The following UNC13A variants were observed in gnomAD, a reference collection of about 807,000 sequenced individuals.
UNC13A encodes the protein unc-13 homolog A.
A neutral mutation model predicts 219.7 loss-of-function variants in UNC13A; 61 were observed. That is an observed-to-expected ratio of 0.28 (90% CI 0.23 to 0.34). UNC13A has a LOEUF of 0.34. UNC13A is among the 10% of genes least tolerant of loss of function. The pLI is 1.00. For synonymous variants in UNC13A, 920 were observed against 884.6 expected, an observed-to-expected ratio of 1.04 and a Z score of -0.71; for missense variants, 1,476 against 2,270.3, an observed-to-expected ratio of 0.65 and a Z score of 7.11.
intron 8 of UNC13A, among the ~76,000 whole-genome samples, chr19:17,661,992 A>G (rs1227778151): frequency 2.6e-5 from 4 of 152,152 alleles, no homozygotes; most frequent in Non-Finnish European, 5.9e-5. Flanking sequence ...TTGTAATCCC[A>G]GCCCTTTGGG....
At chr19:17,651,850 C>T (rs2079354947) in intron 12 of UNC13A, among the ~76,000 whole-genome samples, 2 of 152,174 alleles carry the variant, frequency 1.3e-5, no homozygotes, top group South Asian at 2.1e-4. Context: ...AGGTCACTAT[C>T]GTGCTGCTAT....
At chr19:17,608,223 T>C (rs1321598372) in intron 43 of UNC13A, among the ~76,000 whole-genome samples, 2 of 144,234 alleles carry the variant, frequency 1.4e-5, no homozygotes, top group Non-Finnish European at 3.0e-5. Flanking sequence ...ATATTTTTTG[T>C]ATATACTATA....
chr19:17,663,304 A>AAAAGTCCCTCTTGTCCTGAGTACCTT, intron 8 of UNC13A, among the ~76,000 whole-genome samples: 1 of 68,372 alleles, frequency 1.5e-5, no homozygotes, highest in Non-Finnish European at 3.1e-5. Context: ...CCCCCACCCC[A>AAAAGTCCCTCTTGTCCTGAGTACCTT]CCCCAATGAC....
At chr19:17,645,320 T>C (rs1257575881) in intron 19 of UNC13A, among the ~76,000 whole-genome samples, 1 of 152,150 alleles carries the variant, frequency 6.6e-6, no homozygotes, top group African/African-American at 2.4e-5. Flanking sequence ...CAGCCTGGAT[T>C]CTTAAAGCTC....
At position 17,647,266 on chromosome 19, in the gene UNC13A, G is replaced by T; in HGVS notation, c.2043C>A (p.Thr681=). 1 of 1,571,824 alleles carries T rather than the reference G, an allele frequency of 6.4e-7. No homozygotes were observed. Among genetic ancestry groups the T allele is most frequent in the Non-Finnish European group, 8.6e-7 (1 of 1,159,016 alleles). ...CTATGGCGGCCCACGCCCCCTCACC[G>T]GTGATGCTGATCTTGGCGGACCACT... The part of the protein sequence containing the change: ...TSKWSAKISI[T]VVCAQGLQAK... The change falls in exon 17 of 44, where the codon ACC becomes ACA. Residue 681 remains threonine, a splice_region_variant and synonymous_variant. Transcript: ENST00000519716.
At position 17,671,569 on chromosome 19, in the gene UNC13A, G is replaced by A. The variant is rs529899097; in HGVS notation, c.270+809C>T. Among the ~76,000 whole-genome samples, 7 of 152,058 alleles carry A rather than the reference G, an allele frequency of 4.6e-5. No homozygotes were observed. In the South Asian group the frequency reaches 6.2e-4, roughly 14 times the overall value. The stretch of plus-strand genomic sequence containing the variant: ...GTGGATTGCTTGAGCCCAGGAGTTC[G>A]AAACCAGCCTGGGCAACATGGCAAA... On this transcript the variant is annotated intron_variant, in intron 4 of 43. Transcript: ENST00000519716.
At chr19:17,642,104 T>C (rs1472341133) in intron 20 of UNC13A, among the ~76,000 whole-genome samples, 1 of 151,184 alleles carries the variant, frequency 6.6e-6, no homozygotes, top group Non-Finnish European at 1.5e-5. Flanking sequence ...ATCTACTCAA[T>C]CTTCCTTCTA....
At chr19:17,640,030 T>C in intron 22 of UNC13A, 122 bp from the exon 23 acceptor site, 1 of 991,436 alleles carries the variant, frequency 1.0e-6, no homozygotes, top group Non-Finnish European at 1.5e-6. Flanking sequence ...ATTTCCATTC[T>C]ATGGCATTTT....
chr19:17,653,569 G>A lies in UNC13A; in HGVS notation c.1393-892C>T, dbSNP rs1032090395. On this transcript the variant is annotated intron_variant, in intron 11 of 43. Coordinates refer to ENST00000519716, the MANE Select transcript of UNC13A (RefSeq NM_001080421.3). ...TCACTATGTTGGCCAGGCTGGTCTC[G>A]AACTCCTGACCTCAGGTGATCCACC... is the stretch of plus-strand genomic sequence containing the variant. 4.6e-5 allele frequency among the ~76,000 whole-genome samples: 7 copies of A among 151,728 alleles called. No individual in the cohort carries two copies. The East Asian group carries it at 1.4e-3, about 29-fold the overall frequency.
At chr19:17,632,587 T>C (rs919887538) in intron 28 of UNC13A, among the ~76,000 whole-genome samples, 195 bp downstream of exon 28, 1 of 70,852 alleles carries the variant, frequency 1.4e-5, no homozygotes, top group Non-Finnish European at 3.1e-5. Flanking sequence ...ATGGTTCCTG[T>C]TGCTGTTGAC....
At chr19:17,623,904 G>A (rs1195600501) in intron 35 of UNC13A, among the ~76,000 whole-genome samples, 5 of 152,132 alleles carry the variant, frequency 3.3e-5, no homozygotes, top group Admixed American at 3.3e-4. Flanking sequence ...TTGGTCCCTA[G>A]AGATTATGGC....
In UNC13A at chr19:17,618,499, A is replaced by C. The variant is rs1449626971; in HGVS notation, c.4332T>G (p.Asp1444Glu). The change falls in exon 40 of 44, where the codon GAT becomes GAG. Residue 1444 changes from aspartate (D) to glutamate (E), a missense_variant and splice_region_variant. Physicochemically the swap from Asp to Glu is conservative, Grantham distance 45 (BLOSUM62 2). Around this residue, in one of 14 missense-constraint regions of UNC13A, gnomAD observed 75 missense variants for 100.2 expected, o/e 0.75. Coordinates refer to ENST00000519716, the MANE Select transcript of UNC13A (RefSeq NM_001080421.3). The part of the protein sequence containing the change: ...KELGQLSKLK[D>E]HMVREEAKSL... ...TCTTGGCTTCTTCTCGTACCATGTG[A>C]TCCTGGATGGATGGGGAGAGGGGCC... 1.9e-6 allele frequency: 3 copies of C among 1,588,724 alleles called. No homozygotes were observed. The South Asian group carries it at 3.4e-5, about 18-fold the overall frequency.
At chr19:17,668,031 A>G in intron 6 of UNC13A, 86 bp downstream of exon 6, 1 of 1,390,820 alleles carries the variant, frequency 7.2e-7, no homozygotes, top group Non-Finnish European at 1.0e-6. Context: ...ACAAGCTTAG[A>G]GAGAAACAGC....
At position 17,649,711 on chromosome 19, in the gene UNC13A, C is replaced by A; in HGVS notation, c.1440-124G>T. 1.0e-6 allele frequency: 1 copy of A among 1,000,374 alleles called. No individual in the cohort carries two copies. Among genetic ancestry groups the A allele is most frequent in the Non-Finnish European group, 1.5e-6 (1 of 651,374 alleles). 62.0% of individuals were successfully genotyped at this position (1,000,374 alleles called of 1,614,324 possible). On this transcript the variant is annotated intron_variant, in intron 12 of 43. Coordinates refer to ENST00000519716, the MANE Select transcript of UNC13A (RefSeq NM_001080421.3). This position sits in a 1 kb window ranked among gnomAD's most constrained non-coding sequence, Gnocchi z 4.4. ...AATTGGGTCCCTCAAAAAAAAGATA[C>A]GCTGATGCCCTAACCCCCACTACCT... is the stretch of plus-strand genomic sequence containing the variant.
intron 4 of UNC13A, among the ~76,000 whole-genome samples, chr19:17,670,572 G>A (rs2079766466): frequency 6.6e-6 from 1 of 150,858 alleles, no homozygotes; most frequent in Admixed American, 6.6e-5. Flanking sequence ...CTAGATTGTT[G>A]CAACCATTTC....
At chr19:17,623,924 A>G (rs1386409722) in intron 35 of UNC13A, among the ~76,000 whole-genome samples, 1 of 151,988 alleles carries the variant, frequency 6.6e-6, no homozygotes, top group African/African-American at 2.4e-5. Flanking sequence ...CCTCTGGTCT[A>G]TCGGTCCTGG....
At chr19:17,667,722 G>A (rs755843763) in intron 6 of UNC13A, among the ~76,000 whole-genome samples, 6 of 149,462 alleles carry the variant, frequency 4.0e-5, no homozygotes, top group African/African-American at 7.4e-5. Context: ...TAATCTGCCC[G>A]CCACAGCCTC....
chr19:17,617,725 A>G lies in UNC13A; in HGVS notation c.4535T>C (p.Phe1512Ser). The change falls in exon 41 of 44, where the codon TTT (phenylalanine) becomes TCT (serine). Residue 1512 changes from phenylalanine (F) to serine (S), a missense_variant. By Grantham distance (155) the Phe-to-Ser change is radical. Transcript: ENST00000519716. ...TQATDLLIKT[F>S]VQTQSAQGLG... is the part of the protein sequence containing the mutation. Reference sequence around the variant, plus strand: ...ACCCTGGGCCGATTGCGTCTGTACAAAGGTCTTGATTAGCAGGTCGGTGGC... The same window carrying G: ...ACCCTGGGCCGATTGCGTCTGTACAGAGGTCTTGATTAGCAGGTCGGTGGC... 1 of 1,613,948 alleles carries G rather than the reference A, an allele frequency of 6.2e-7. No homozygotes were observed. The highest frequency in any genetic ancestry group is 8.5e-7 in the Non-Finnish European group (1 of 1,179,856).
intron 11 of UNC13A, among the ~76,000 whole-genome samples, chr19:17,653,192 G>A (rs2079382753): frequency 6.6e-6 from 1 of 151,744 alleles, no homozygotes; most frequent in Non-Finnish European, 1.5e-5. Flanking sequence ...GGGGGTGTTT[G>A]GTTTTTTTTT....
Sources: allele counts gnomAD v4.1 joint callset (sites outside exome capture counted in the v4.1 genomes callset), GRCh38; gene constraint gnomAD v4.1.1; regional missense constraint gnomAD v4.1.1; non-coding constraint Gnocchi (gnomAD v3.1); transcripts MANE v1.5; gene names NCBI Gene and HGNC (gene_info 2026-07-23, HGNC 2026-07-21).